Variants in TAF3 observed in about 807,000 individuals in gnomAD.
TAF3 encodes TATA-box binding protein associated factor 3, also known as transcription initiation factor TFIID subunit 3.
Under a neutral mutation model 80.6 loss-of-function variants are expected in TAF3, and 7 were observed. The observed-to-expected ratio is 0.09, with a 90% CI of 0.05 to 0.16. The LOEUF (loss-of-function observed/expected upper bound fraction) is 0.16, where lower values mean the gene tolerates loss of function less well. Among genes scored for constraint, TAF3 ranks in the 10% least tolerant of loss-of-function variants. The pLI is 1.00. For missense variants in TAF3, 921 were observed against 1,140.2 expected (o/e 0.81, Z 2.77); for synonymous variants, 444 against 446.1 (o/e 1.00, Z 0.06).
chr10:7,978,573 C>T (rs1831694813), intron 4 of TAF3, among the ~76,000 whole-genome samples: 1 of 152,164 alleles, frequency 6.6e-6, no homozygotes. Flanking sequence ...GGATTCAGTG[C>T]TTTTGAAACC....
chr10:7,863,154 AC>A (rs1837164513), intron 2 of TAF3, among the ~76,000 whole-genome samples: 1 of 152,292 alleles, frequency 6.6e-6, no homozygotes, highest in Admixed American at 6.5e-5. Flanking sequence ...AGCATTTCAG[AC>A]CCTTTATGAT....
intron 2 of TAF3, among the ~76,000 whole-genome samples, chr10:7,909,419 A>C (rs1214832940): frequency 1.3e-5 from 2 of 152,190 alleles, no homozygotes; most frequent in Admixed American, 1.3e-4. Flanking sequence ...TCAGAACAGC[A>C]CTTCTGCCAA....
intron 2 of TAF3, among the ~76,000 whole-genome samples, chr10:7,940,008 C>T (rs1228513875): frequency 1.3e-5 from 2 of 151,950 alleles, no homozygotes; most frequent in African/African-American, 4.8e-5. Context: ...AAAATGCATA[C>T]CAAGGCACAT....
chr10:8,012,301 G>A (rs1832063382), intron 5 of TAF3, among the ~76,000 whole-genome samples: 1 of 152,232 alleles, frequency 6.6e-6, no homozygotes, highest in Admixed American at 6.5e-5. Flanking sequence ...GGCAAATTTT[G>A]TCACTGCCTA....
chr10:7,959,023 T>G (rs1234391553), intron 2 of TAF3, among the ~76,000 whole-genome samples: 2 of 151,890 alleles, frequency 1.3e-5, no homozygotes, highest in Non-Finnish European at 2.9e-5. Flanking sequence ...GCCTGTAGTC[T>G]CAGCTACTTG....
intron 2 of TAF3, among the ~76,000 whole-genome samples, chr10:7,837,514 G>C (rs976978828): frequency 6.6e-6 from 1 of 152,214 alleles, no homozygotes; most frequent in Middle Eastern, 3.4e-3. Flanking sequence ...GTGGTGGTGC[G>C]TGCCTGTAAT....
At chr10:7,902,430 A>T (rs765467113) in intron 2 of TAF3, among the ~76,000 whole-genome samples, 12 of 152,298 alleles carry the variant, frequency 7.9e-5, no homozygotes, top group South Asian at 2.1e-4. Flanking sequence ...TCTTAAAAAA[A>T]AATAATAAAA....
intron 4 of TAF3, among the ~76,000 whole-genome samples, chr10:7,993,078 A>T (rs1474039303): frequency 6.6e-6 from 1 of 152,216 alleles, no homozygotes; most frequent in Non-Finnish European, 1.5e-5. Context: ...TGTCTCAAAA[A>T]TATCTTCAAC....
chr10:7,934,385 A>T (rs1837896950), intron 2 of TAF3, among the ~76,000 whole-genome samples: 1 of 152,212 alleles, frequency 6.6e-6, no homozygotes, highest in African/African-American at 2.4e-5. Flanking sequence ...TGTGGTAGGC[A>T]TTCCGTCCTT....
chr10:8,001,471 A>T (rs1304721863), intron 4 of TAF3, among the ~76,000 whole-genome samples: 1 of 152,118 alleles, frequency 6.6e-6, no homozygotes, highest in Non-Finnish European at 1.5e-5. Context: ...TTTTATTCAC[A>T]ACAGCTGTTT....
At position 7,858,111 on chromosome 10, in the gene TAF3, C is replaced by T. The variant is rs545118240; in HGVS notation, c.409+33551C>T. 5.9e-5 allele frequency among the ~76,000 whole-genome samples: 9 copies of T among 152,134 alleles called. No individual in the cohort carries two copies. The South Asian group carries it at 1.9e-3, about 32-fold the overall frequency. ...CAAATAGGGACATGAAATCATATTG[C>T]TTCCTCTTATATCCCATAGTAAAAG... On this transcript the variant is annotated intron_variant, in intron 2 of 6. Coordinates refer to ENST00000344293, the MANE Select transcript of TAF3 (RefSeq NM_031923.4).
rs572792000 is a variant in TAF3, at chr10:7,842,160, T to A, written c.409+17600T>A. 6.0e-5 allele frequency among the ~76,000 whole-genome samples: 6 copies of A among 100,326 alleles called. No individual in the cohort carries two copies. In the Admixed American group the frequency reaches 6.1e-4, roughly 10 times the overall value. The allele number at this position is 100,326 out of a possible 152,430, so 65.8% of individuals were successfully genotyped here. Reference sequence around the variant, plus strand: ...ATATTGAATTAATATTGTTTTTTTTTTTTGTTTTTTTTTTTGTTTTTTTTT... The same window carrying A: ...ATATTGAATTAATATTGTTTTTTTTATTTGTTTTTTTTTTTGTTTTTTTTT... On this transcript the variant is annotated intron_variant, in intron 2 of 6. Transcript: ENST00000344293.
chr10:8,007,392 G>GA (rs973257836), intron 4 of TAF3, among the ~76,000 whole-genome samples: 5 of 151,194 alleles, frequency 3.3e-5, no homozygotes, highest in African/African-American at 1.2e-4. Context: ...AAGGTACAGA[G>GA]AAAAAAACAA....
intron 2 of TAF3, among the ~76,000 whole-genome samples, chr10:7,865,119 G>C (rs1245461189): frequency 6.6e-6 from 1 of 152,126 alleles, no homozygotes; most frequent in Non-Finnish European, 1.5e-5. Context: ...AGAGGGAAGT[G>C]AGTGGGGCCT....
chr10:7,882,246 A>T (rs919313995), intron 2 of TAF3, among the ~76,000 whole-genome samples: 1 of 152,224 alleles, frequency 6.6e-6, no homozygotes, highest in Non-Finnish European at 1.5e-5. Flanking sequence ...CAATCTTAGC[A>T]TGTTAGATTT....
rs560876133 is a variant in TAF3 at position 8,000,250 on chromosome 10, A to G, written c.2316-8828A>G. Among the ~76,000 whole-genome samples, 7 of 151,920 alleles carry G rather than the reference A, an allele frequency of 4.6e-5. No homozygotes were observed. The South Asian group carries it at 1.0e-3, about 23-fold the overall frequency. On this transcript the variant is annotated intron_variant, in intron 4 of 6. Transcript: ENST00000344293. ...TCTAGCCTCAGCCTCCTGAGTAGCT[A>G]GGATTACAGGCATGCACCACCACGC...
At chr10:7,855,507 T>G (rs546677900) in intron 2 of TAF3, among the ~76,000 whole-genome samples, 1 of 152,158 alleles carries the variant, frequency 6.6e-6, no homozygotes, top group Admixed American at 6.5e-5. Flanking sequence ...GGGAGGAGAT[T>G]TGAGATTTCT....
intron 2 of TAF3, among the ~76,000 whole-genome samples, chr10:7,895,182 A>G (rs1440592474): frequency 6.6e-6 from 1 of 152,038 alleles, no homozygotes; most frequent in East Asian, 1.9e-4. Context: ...ATGAGGGGCA[A>G]TTTCCTTGGT....
At chr10:7,952,835 C>A (rs777431871) in intron 2 of TAF3, among the ~76,000 whole-genome samples, 3 of 152,064 alleles carry the variant, frequency 2.0e-5, no homozygotes, top group Non-Finnish European at 4.4e-5. Flanking sequence ...AAAATACATA[C>A]CCACTTACAC....
Sources: gnomAD v4.1 joint callset for allele counts (sites outside exome capture counted in the v4.1 genomes callset) on GRCh38, gnomAD v4.1.1 for gene constraint, MANE v1.5 for transcripts, NCBI Gene and HGNC (gene_info 2026-07-23, HGNC 2026-07-21) for gene names.